LYSMD2: variants seen among roughly 807,000 people sequenced by gnomAD.
LYSMD2 encodes the protein lysM and putative peptidoglycan-binding domain-containing protein 2.
LYSMD2 carries 6 observed loss-of-function variants against 17.7 expected under a neutral mutation model. The ratio of observed to expected loss-of-function variants is 0.34; its 90% CI spans 0.19 to 0.67. LYSMD2 has a LOEUF of 0.67. LYSMD2 is among the 30% of genes least tolerant of loss of function. The pLI, the probability that LYSMD2 is intolerant of heterozygous loss-of-function variation, is 0.69. For synonymous variants in LYSMD2, 102 were observed against 129.8 expected (o/e 0.79, Z 1.45); for missense variants, 237 against 286.7 (o/e 0.83, Z 1.25).
chr15:51,727,930 C>T (rs970805339), intron 1 of LYSMD2, among the ~76,000 whole-genome samples: 5 of 152,186 alleles, frequency 3.3e-5, no homozygotes, highest in African/African-American at 1.2e-4. Context: ...GGGAACCAAT[C>T]TAAGGACAGG....
intron 1 of LYSMD2, among the ~76,000 whole-genome samples, chr15:51,733,691 A>G (rs150145208): frequency 0.011 from 1,718 of 152,258 alleles, 33 homozygotes; most frequent in African/African-American, 0.04. Context: ...ACTATTAAAA[A>G]TTTCAAGAGA....
chr15:51,741,902 A>G (rs1394701250), upstream of LYSMD2, among the ~76,000 whole-genome samples: 1 of 151,578 alleles, frequency 6.6e-6, no homozygotes, highest in Admixed American at 6.6e-5. Flanking sequence ...CCTGGGCAAC[A>G]GAAGGAGACT....
intron 2 of LYSMD2, among the ~76,000 whole-genome samples, chr15:51,724,433 T>G (rs557740253): frequency 1.3e-5 from 2 of 152,318 alleles, no homozygotes; most frequent in East Asian, 3.9e-4. Context: ...CCAGAAGTGC[T>G]AGCTGGACAG....
chr15:51,738,448 A>C (rs2055626952), upstream of LYSMD2, among the ~76,000 whole-genome samples: 3 of 152,064 alleles, frequency 2.0e-5, no homozygotes, highest in African/African-American at 7.2e-5. Context: ...TCTCTTCGTC[A>C]GTTTATTCTT....
Position 51,724,792 on chromosome 15 carries a change from G to A in LYSMD2, c.603C>T (p.Ser201=), listed in dbSNP as rs773627039. 1 of 1,610,646 alleles carries A rather than the reference G, an allele frequency of 6.2e-7. No individual in the cohort carries two copies. The highest frequency in any genetic ancestry group is 8.5e-7 in the Non-Finnish European group (1 of 1,177,676). The change falls in exon 2 of 3, where the codon AGC becomes AGT. Residue 201 remains serine (S), a splice_region_variant and synonymous_variant. Coordinates refer to ENST00000267838, the MANE Select transcript of LYSMD2 (RefSeq NM_153374.3). ...CATTTGTACCAGGGTATTCTTACCT[G>A]CTCTCTTCTTTTAGCTTCTTGGCTG... The part of the protein sequence containing the change: ...TQAAKKLKEE[S]RDEESPYATS...
chr15:51,738,721 G>A (rs1416626140), upstream of LYSMD2, among the ~76,000 whole-genome samples: 2 of 152,168 alleles, frequency 1.3e-5, no homozygotes, highest in Non-Finnish European at 1.5e-5. Flanking sequence ...GTTTTGGTAT[G>A]TTGCTGTGCT....
At chr15:51,748,671 C>G (rs2055681398) in intron 1 of LYSMD2, among the ~76,000 whole-genome samples, 1 of 152,202 alleles carries the variant, frequency 6.6e-6, no homozygotes. Flanking sequence ...GACCCAGATT[C>G]ATCGTATCTC....
rs7496198 is a variant in LYSMD2, at chr15:51,737,336, C to T, written c.273+14G>A. Reference sequence around the variant, plus strand: ...TAGCTGCCAGCCCGGGCCGCGGCGGCGCGCCCTGCTCACCGTGACACCGTA... The same window carrying T: ...TAGCTGCCAGCCCGGGCCGCGGCGGTGCGCCCTGCTCACCGTGACACCGTA... On this transcript the variant is annotated intron_variant, in intron 1 of 2. Coordinates refer to ENST00000267838, the MANE Select transcript of LYSMD2 (RefSeq NM_153374.3). This position sits in a 1 kb window ranked among gnomAD's most constrained non-coding sequence, Gnocchi z 4.2. 89,864 of 1,328,666 alleles carry T rather than the reference C, an allele frequency of 0.068. 3,717 individuals carry two copies. The highest frequency in any genetic ancestry group is 0.21 in the East Asian group (6,450 of 30,474). 82.3% of individuals were successfully genotyped at this position (1,328,666 alleles called of 1,614,324 possible).
rs2055595538 is a variant in LYSMD2, at chr15:51,734,311, C to T, written c.273+3039G>A. ...TTTGCCCCAGAGTATTCCTGTCCTG[C>T]CCAGGCCAATTTGAGGAACATGGAT... On this transcript the variant is annotated intron_variant, in intron 1 of 2. Coordinates refer to ENST00000267838, the MANE Select transcript of LYSMD2 (RefSeq NM_153374.3). Among the ~76,000 whole-genome samples the T allele has an allele frequency of 2.0e-5, 3 of 152,208 alleles. No homozygotes were observed. In the South Asian group the frequency reaches 6.2e-4, roughly 31 times the overall value.
In LYSMD2 at chr15:51,724,994, G is replaced by T; in HGVS notation, c.401C>A (p.Pro134Gln). Reference protein sequence around the residue: ...LFNGLNSIDSPENETADNSFS... With the variant: ...LFNGLNSIDSQENETADNSFS... ...ACTGTTATCAGCAGTTTCATTTTCT[G>T]GAGAATCAATGGAGTTAAGTCCATT... Residue 134 changes from proline (P) to glutamine (Q), a missense_variant, in exon 2 of 3, where the codon CCA becomes CAA. Coordinates refer to ENST00000267838, the MANE Select transcript of LYSMD2 (RefSeq NM_153374.3). 2 of 1,614,064 alleles carry T rather than the reference G, an allele frequency of 1.2e-6. No individual in the cohort carries two copies. Among genetic ancestry groups the T allele is most frequent in the Non-Finnish European group, 1.7e-6 (2 of 1,179,978 alleles).
chr15:51,732,300 A>G (rs1459928904), intron 1 of LYSMD2, among the ~76,000 whole-genome samples: 1 of 152,156 alleles, frequency 6.6e-6, no homozygotes, highest in African/African-American at 2.4e-5. Flanking sequence ...GCTGAAGTCC[A>G]CATGTATGCG....
chr15:51,733,008 G>GA (rs2055586007), intron 1 of LYSMD2, among the ~76,000 whole-genome samples: 1 of 152,152 alleles, frequency 6.6e-6, no homozygotes, highest in South Asian at 2.1e-4. Context: ...CCAACTCAGA[G>GA]AAAAAGACAA....
intron 1 of LYSMD2, among the ~76,000 whole-genome samples, chr15:51,732,170 C>T (rs149167586): frequency 1.2e-3 from 184 of 152,304 alleles, no homozygotes; most frequent in African/African-American, 4.3e-3. Context: ...CAAACCAAAT[C>T]TTGCAGTTCA....
At chr15:51,737,939 T>G (rs964579404), upstream of LYSMD2, 1 of 201,288 alleles carries the variant, frequency 5.0e-6, no homozygotes, top group Non-Finnish European at 1.0e-5. The surrounding 1 kb of genome is among the most constrained non-coding windows in gnomAD (Gnocchi z 4.2). Context: ...CCCGCGGCCG[T>G]TGGGGCTAAG....
At chr15:51,740,347 C>A (rs1463205461), upstream of LYSMD2, among the ~76,000 whole-genome samples, 1 of 152,106 alleles carries the variant, frequency 6.6e-6, no homozygotes, top group Non-Finnish European at 1.5e-5. Flanking sequence ...CTTCTTAAAC[C>A]AGAACTTCAA....
chr15:51,726,822 T>C (rs953778312), intron 1 of LYSMD2, among the ~76,000 whole-genome samples: 2 of 152,212 alleles, frequency 1.3e-5, no homozygotes, highest in African/African-American at 2.4e-5. Flanking sequence ...CTCTTGCTGA[T>C]ACAGTGCCCT....
Position 51,737,262 on chromosome 15 carries a change from T to TACCCCCCCCCCCCCCCCC in LYSMD2, c.273+87_273+88insGGGGGGGGGGGGGGGGGT. On this transcript the variant is annotated intron_variant, in intron 1 of 2. Transcript: ENST00000267838. The surrounding 1 kb of genome is among the most constrained non-coding windows in gnomAD (Gnocchi z 4.2). Reference sequence around the variant, plus strand: ...CCATCCCCCAAACCCCCACCCGCAGTCCCACCCCCACCCCCACCGCACCCC... The same window carrying TACCCCCCCCCCCCCCCCC: ...CCATCCCCCAAACCCCCACCCGCAGTACCCCCCCCCCCCCCCCCCCCACCCCCACCCCCACCGCACCCC... 1 of 134,040 alleles carries TACCCCCCCCCCCCCCCCC rather than the reference T, an allele frequency of 7.5e-6. No individual in the cohort carries two copies. Among genetic ancestry groups the TACCCCCCCCCCCCCCCCC allele is most frequent in the Non-Finnish European group, 1.4e-5 (1 of 70,572 alleles). 8.3% of individuals were successfully genotyped at this position (134,040 alleles called of 1,614,324 possible).
At position 51,737,553 on chromosome 15, in the gene LYSMD2, A is replaced by AGGGGGCCGAGGGCCGCGGCGCGC; in HGVS notation, c.47_69dup (p.Ser24AlafsTer27). 1 of 1,226,618 alleles carries AGGGGGCCGAGGGCCGCGGCGCGC rather than the reference A, an allele frequency of 8.2e-7. No individual in the cohort carries two copies. The highest frequency in any genetic ancestry group is 3.8e-5 in the South Asian group (1 of 26,124). The allele number at this position is 1,226,618 out of a possible 1,614,324, so 76.0% of individuals were successfully genotyped here. A position where few individuals can be genotyped will look rare whatever the true frequency, so the allele number is the denominator to read the frequency against. ...CCGGAGCGCGAGCGCGGCGGCGGCG[A>AGGGGGCCGAGGGCCGCGGCGCGC]GGGGGCCGAGGGCCGCGGCGCGCGG... On this transcript the variant is annotated frameshift_variant, in exon 1 of 3. Coordinates refer to ENST00000267838, the MANE Select transcript of LYSMD2 (RefSeq NM_153374.3). LOFTEE classifies it high-confidence loss of function. The surrounding 1 kb of genome is among the most constrained non-coding windows in gnomAD (Gnocchi z 4.2).
chr15:51,729,092 A>T (rs1399358350), intron 1 of LYSMD2, among the ~76,000 whole-genome samples: 10 of 152,288 alleles, frequency 6.6e-5, no homozygotes, highest in Admixed American at 5.2e-4. Context: ...CCATGATGAA[A>T]TATGAAATCA....
Sources: allele counts gnomAD v4.1 joint callset (sites outside exome capture counted in the v4.1 genomes callset), GRCh38; gene constraint gnomAD v4.1.1; non-coding constraint Gnocchi (gnomAD v3.1); transcripts MANE v1.5; gene names NCBI Gene and HGNC (gene_info 2026-07-23, HGNC 2026-07-21).